The following RBFOX1 variants were observed in gnomAD, a reference collection of about 807,000 sequenced individuals.
RBFOX1 encodes the protein RNA binding fox-1 homolog 1.
In RBFOX1, 8 loss-of-function variants were observed where a neutral mutation model predicts 57.7. That is an observed-to-expected ratio of 0.14 (90% CI 0.08 to 0.25). The LOEUF (loss-of-function observed/expected upper bound fraction) is 0.25, where lower values mean the gene tolerates loss of function less well. RBFOX1 is among the 10% of genes least tolerant of loss of function. The pLI is 1.00. For synonymous variants in RBFOX1, 326 were observed against 222.4 expected (o/e 1.47, Z -4.15); for missense variants, 611 against 548.5 (o/e 1.11, Z -1.14).
intron 4 of RBFOX1, among the ~76,000 whole-genome samples, chr16:7,367,777 C>T (rs193085834): frequency 6.8e-4 from 104 of 152,122 alleles, no homozygotes; most frequent in South Asian, 3.1e-3. Flanking sequence ...GTCAGATTTT[C>T]TGATATTTCA....
At chr16:5,873,755 A>T (rs1354322767) in intron 4 of RBFOX1, among the ~76,000 whole-genome samples, 1 of 152,192 alleles carries the variant, frequency 6.6e-6, no homozygotes, top group Non-Finnish European at 1.5e-5. Context: ...GGCTTCCTAC[A>T]TATTTGGTAA....
At chr16:7,703,037 T>TA (rs1258443600) in intron 14 of RBFOX1, among the ~76,000 whole-genome samples, 1 of 152,200 alleles carries the variant, frequency 6.6e-6, no homozygotes, top group Non-Finnish European at 1.5e-5. Flanking sequence ...TTTGACCCTA[T>TA]ACAGGGAAGT....
chr16:5,868,000 C>T (rs1041547671), intron 4 of RBFOX1, among the ~76,000 whole-genome samples: 2 of 151,876 alleles, frequency 1.3e-5, no homozygotes, highest in Admixed American at 1.3e-4. Flanking sequence ...GTGTGAGCCA[C>T]CATGCCCAGC....
intron 1 of RBFOX1, among the ~76,000 whole-genome samples, chr16:6,233,422 C>T (rs772744965): frequency 6.6e-6 from 1 of 152,104 alleles, no homozygotes; most frequent in African/African-American, 2.4e-5. Context: ...CACTCGTCCC[C>T]ACCTCCACAC....
At chr16:6,970,215 A>G (rs1021311726) in intron 3 of RBFOX1, among the ~76,000 whole-genome samples, 2 of 151,990 alleles carry the variant, frequency 1.3e-5, no homozygotes, top group African/African-American at 2.4e-5. Context: ...AAACCCCAAA[A>G]TCAAAAACCC....
intron 3 of RBFOX1, among the ~76,000 whole-genome samples, chr16:5,865,231 G>T (rs1361244941): frequency 6.6e-6 from 1 of 152,278 alleles, no homozygotes; most frequent in Non-Finnish European, 1.5e-5. Flanking sequence ...GTTTTCAGCA[G>T]AGAAATACAC....
intron 3 of RBFOX1, among the ~76,000 whole-genome samples, chr16:5,827,354 C>T (rs913735603): frequency 2.1e-5 from 3 of 143,066 alleles, no homozygotes; most frequent in Non-Finnish European, 4.5e-5. Context: ...GAGCCAAGAT[C>T]GTGCCACTGC....
At chr16:6,400,565 A>G in intron 2 of RBFOX1, among the ~76,000 whole-genome samples, 1 of 150,786 alleles carries the variant, frequency 6.6e-6, no homozygotes, top group African/African-American at 2.5e-5. Context: ...CCAATATAGT[A>G]AAAGGATGGG....
chr16:7,423,039 C>T (rs529391462), intron 4 of RBFOX1: 1 of 151,880 alleles, frequency 6.6e-6, no homozygotes, highest in African/African-American at 2.4e-5. Context: ...GTGAGTTTAT[C>T]TCTTCCCTTC....
intron 2 of RBFOX1, chr16:6,577,056 C>G (rs1036437974): frequency 5.3e-5 from 8 of 152,190 alleles, no homozygotes; most frequent in African/African-American, 1.7e-4. Context: ...CCAAAACTGT[C>G]TTTGGGATGC....
chr16:7,495,436 A>G (rs1015593925), intron 4 of RBFOX1, among the ~76,000 whole-genome samples: 8 of 151,390 alleles, frequency 5.3e-5, no homozygotes, highest in Non-Finnish European at 8.9e-5. Flanking sequence ...ACACCCACCA[A>G]AAGTGTATCA....
At chr16:7,246,541 A>T (rs1455172103) in intron 4 of RBFOX1, among the ~76,000 whole-genome samples, 1 of 151,408 alleles carries the variant, frequency 6.6e-6, no homozygotes, top group Non-Finnish European at 1.5e-5. Context: ...CCATGGTGGC[A>T]TCCTTCCTTT....
intron 4 of RBFOX1, among the ~76,000 whole-genome samples, chr16:7,169,883 C>T (rs531082969): frequency 6.6e-6 from 1 of 152,106 alleles, no homozygotes; most frequent in East Asian, 1.9e-4. Flanking sequence ...CCTGCCCTGG[C>T]AACGTGGCAA....
Position 7,142,315 on chromosome 16 carries a change from C to T in RBFOX1, c.27+90217C>T, listed in dbSNP as rs145378712. Among the ~76,000 whole-genome samples the T allele has an allele frequency of 5.6e-3, 854 of 152,272 alleles. 5 individuals are homozygous for T. The highest frequency in any genetic ancestry group is 9.7e-3 in the Non-Finnish European group (662 of 68,020). On this transcript the variant is annotated intron_variant, in intron 4 of 15. Transcript: ENST00000550418. ...GCGGGATTATGGACATGAGCCACCA[C>T]ACCTAGCCAAGTCCCATTTCACTTA...
chr16:7,483,495 G>A lies in RBFOX1; in HGVS notation c.28-34652G>A, dbSNP rs554060177. Among the ~76,000 whole-genome samples, 5 of 152,338 alleles carry A rather than the reference G, an allele frequency of 3.3e-5. No homozygotes were observed. The South Asian group carries it at 8.3e-4, about 25-fold the overall frequency. On this transcript the variant is annotated intron_variant, in intron 4 of 15. Transcript: ENST00000550418. ...CTTGGACCTAAAAAGCAGTTAGTGT[G>A]TGGTGGACATTGTATATCTTTAATA...
intron 3 of RBFOX1, among the ~76,000 whole-genome samples, chr16:6,773,304 TTG>T (rs1453428475): frequency 1.7e-5 from 2 of 116,828 alleles, no homozygotes; most frequent in African/African-American, 6.9e-5. Context: ...TGGGGTGCAT[TTG>T]TGTGTTTGGG....
chr16:6,955,059 C>T (rs28427559), intron 3 of RBFOX1, among the ~76,000 whole-genome samples: 5 of 132,966 alleles, frequency 3.8e-5, no homozygotes, highest in African/African-American at 1.2e-4. Context: ...TGGGAAACCC[C>T]ATCTCTACAA....
chr16:6,554,427 T>C (rs1430767561), intron 2 of RBFOX1, among the ~76,000 whole-genome samples: 5 of 151,680 alleles, frequency 3.3e-5, no homozygotes. Context: ...CCTCCCGGGG[T>C]AATAAAAAAA....
intron 3 of RBFOX1, among the ~76,000 whole-genome samples, chr16:6,868,844 C>A (rs911448728): frequency 6.6e-6 from 1 of 152,144 alleles, no homozygotes; most frequent in Non-Finnish European, 1.5e-5. Flanking sequence ...ATATGACTTA[C>A]TTTGACTAAT....
Sources: allele counts gnomAD v4.1 joint callset (sites outside exome capture counted in the v4.1 genomes callset), GRCh38; gene constraint gnomAD v4.1.1; transcripts MANE v1.5; gene names NCBI Gene and HGNC (gene_info 2026-07-23, HGNC 2026-07-21).